The following LINGO1 variants were observed in gnomAD, a reference collection of about 807,000 sequenced individuals.
LINGO1 encodes leucine-rich repeat and immunoglobulin-like domain-containing nogo receptor-interacting protein 1.
A neutral mutation model predicts 37.3 loss-of-function variants in LINGO1; 11 were observed. The observed-to-expected ratio is 0.29, with a 90% CI of 0.19 to 0.49. The LOEUF is 0.49. Among genes scored for constraint, LINGO1 ranks in the 20% least tolerant of loss-of-function variants. The pLI, the probability that LINGO1 is intolerant of heterozygous loss-of-function variation, is 0.99. For missense variants in LINGO1, 585 were observed against 878.2 expected, an observed-to-expected ratio of 0.67 and a Z score of 4.22; for synonymous variants, 387 against 403.0, an observed-to-expected ratio of 0.96 and a Z score of 0.48.
chr15:77,810,386 G>C (rs1359401438), intron 1 of LINGO1, among the ~76,000 whole-genome samples: 1 of 151,700 alleles, frequency 6.6e-6, no homozygotes, highest in African/African-American at 2.4e-5. Context: ...AGGAGAGGGA[G>C]AGGGACAGCG....
rs542281356 is a variant in LINGO1 at position 77,653,919 on chromosome 15, C to G, written c.-13+23170G>C. ...TGACAGCATCCCTGTGTGCTAGTTC[C>G]CTGTGAGAGTCATTAAGGAATGTTA... is the stretch of plus-strand genomic sequence containing the variant. On this transcript the variant is annotated intron_variant, in intron 3 of 3. Transcript: ENST00000559893. 2.0e-5 allele frequency among the ~76,000 whole-genome samples: 3 copies of G among 152,304 alleles called. No individual in the cohort carries two copies. The East Asian group carries it at 5.8e-4, about 29-fold the overall frequency.
chr15:77,812,701 G>A (rs554066757), intron 1 of LINGO1, among the ~76,000 whole-genome samples: 4 of 152,292 alleles, frequency 2.6e-5, no homozygotes, highest in East Asian at 1.9e-4. Flanking sequence ...GCTCACCTCC[G>A]TGGATCAATA....
At chr15:77,663,980 G>A (rs1179976502) in intron 3 of LINGO1, among the ~76,000 whole-genome samples, 2 of 152,186 alleles carry the variant, frequency 1.3e-5, no homozygotes, top group African/African-American at 4.8e-5. Context: ...CAGAGGCTGG[G>A]GCAGGACCCG....
chr15:77,779,082 C>T (rs1201134686), intron 1 of LINGO1, among the ~76,000 whole-genome samples: 2 of 152,154 alleles, frequency 1.3e-5, no homozygotes, highest in Non-Finnish European at 2.9e-5. Flanking sequence ...AATGGTCTCC[C>T]CAGGCTTCCA....
chr15:77,652,712 A>C (rs1032682980), intron 3 of LINGO1, among the ~76,000 whole-genome samples: 2 of 148,362 alleles, frequency 1.3e-5, no homozygotes, highest in African/African-American at 2.5e-5. Context: ...TTCCTCCTTC[A>C]CCAGGGAGTC....
intron 1 of LINGO1, among the ~76,000 whole-genome samples, chr15:77,694,992 A>AT (rs143028169): frequency 0.082 from 12,524 of 152,146 alleles, 589 homozygotes; most frequent in Middle Eastern, 0.13. Context: ...AACACTCGGG[A>AT]TAATCTTTTT....
At chr15:77,813,355 A>G (rs2077021322) in intron 1 of LINGO1, among the ~76,000 whole-genome samples, 1 of 152,148 alleles carries the variant, frequency 6.6e-6, no homozygotes, top group East Asian at 1.9e-4. Flanking sequence ...AGCCCATCTG[A>G]TTGGCTGGAG....
At chr15:77,684,132 C>T (rs2075462888) in intron 2 of LINGO1, among the ~76,000 whole-genome samples, 3 of 152,194 alleles carry the variant, frequency 2.0e-5, no homozygotes, top group Admixed American at 2.0e-4. Context: ...TCTGGAAACT[C>T]TCCCCAAACA....
At position 77,676,599 on chromosome 15, in the gene LINGO1, C is replaced by T. The variant is rs77837479; in HGVS notation, c.-13+490G>A. Among the ~76,000 whole-genome samples the T allele has an allele frequency of 7.7e-3, 1,165 of 152,244 alleles. 23 individuals carry two copies. The highest frequency in any genetic ancestry group is 0.027 in the African/African-American group (1,122 of 41,532). On this transcript the variant is annotated intron_variant, in intron 3 of 3. Transcript: ENST00000559893. ...GAGACAGGCTCGCTCCGGGTGCTGA[C>T]GATGTCCCACAGAGAGCTGGGAACT...
At chr15:77,704,235 C>T (rs1455528314) in intron 2 of LINGO1, among the ~76,000 whole-genome samples, 1 of 152,166 alleles carries the variant, frequency 6.6e-6, no homozygotes, top group Non-Finnish European at 1.5e-5. Flanking sequence ...ACTTGACTAA[C>T]AGGCCCCATG....
chr15:77,770,542 C>T (rs552797562), intron 1 of LINGO1, among the ~76,000 whole-genome samples: 4 of 138,440 alleles, frequency 2.9e-5, no homozygotes, highest in African/African-American at 1.1e-4. Flanking sequence ...AGCAGAAGAT[C>T]GTGCCATTGC....
At chr15:77,796,709 GCC>G (rs1454475050) in intron 1 of LINGO1, among the ~76,000 whole-genome samples, 3 of 57,952 alleles carry the variant, frequency 5.2e-5, no homozygotes, top group Non-Finnish European at 1.1e-4. Flanking sequence ...AGCCTCTCCT[GCC>G]TTTTTTTTTT....
At chr15:77,684,628 A>G (rs2075472155) in intron 2 of LINGO1, among the ~76,000 whole-genome samples, 1 of 152,222 alleles carries the variant, frequency 6.6e-6, no homozygotes, top group Non-Finnish European at 1.5e-5. Flanking sequence ...AGCCAGGACT[A>G]AATTAGGCTC....
chr15:77,817,993 G>A lies in LINGO1; in HGVS notation c.-458+2265C>T, dbSNP rs542701506. Among the ~76,000 whole-genome samples the A allele has an allele frequency of 3.3e-5, 5 of 152,318 alleles. No homozygotes were observed. The East Asian group carries it at 9.6e-4, about 29-fold the overall frequency. ...ACCCAGGTAGATACTGACTGGTCCAGCCACCACACCCCTCCACACAGCATC... is the reference window on the plus strand; with the variant it reads ...ACCCAGGTAGATACTGACTGGTCCAACCACCACACCCCTCCACACAGCATC... On this transcript the variant is annotated intron_variant, in intron 1 of 5. Coordinates refer to the LINGO1 transcript ENST00000562933.
chr15:77,764,254 A>G (rs1322059784), intron 1 of LINGO1, among the ~76,000 whole-genome samples: 1 of 152,200 alleles, frequency 6.6e-6, no homozygotes, highest in African/African-American at 2.4e-5. Flanking sequence ...TTTCTCAGTG[A>G]TAATTTAGCC....
intron 3 of LINGO1, among the ~76,000 whole-genome samples, chr15:77,652,479 G>GGA (rs1208980018): frequency 0.057 from 4,560 of 80,464 alleles, 322 homozygotes; most frequent in African/African-American, 0.19. Context: ...AGCTGGGGAG[G>GGA]GAGAGTGTGT....
chr15:77,701,229 T>C (rs753248067), upstream of LINGO1, among the ~76,000 whole-genome samples: 4 of 152,062 alleles, frequency 2.6e-5, no homozygotes, highest in Non-Finnish European at 5.9e-5. Context: ...ATCTCAAACA[T>C]AACCAACAGG....
At chr15:77,701,668 G>A (rs1368277411) in intron 2 of LINGO1, among the ~76,000 whole-genome samples, 1 of 152,102 alleles carries the variant, frequency 6.6e-6, no homozygotes, top group Non-Finnish European at 1.5e-5. Context: ...TAGTTCCCAT[G>A]AGAACTGATT....
intron 1 of LINGO1, among the ~76,000 whole-genome samples, chr15:77,739,025 C>T (rs2076233231): frequency 6.6e-6 from 1 of 152,340 alleles, no homozygotes; most frequent in Non-Finnish European, 1.5e-5. Context: ...GCAGTGGGGC[C>T]CCAGCCTCCC....
Sources: gnomAD v4.1 joint callset for allele counts (sites outside exome capture counted in the v4.1 genomes callset) on GRCh38, gnomAD v4.1.1 for gene constraint, MANE v1.5 for transcripts, NCBI Gene and HGNC (gene_info 2026-07-23, HGNC 2026-07-21) for gene names.